The following SMAP1 variants were observed in gnomAD, a reference collection of about 807,000 sequenced individuals.
SMAP1 encodes stromal membrane-associated protein 1.
Under a neutral mutation model 58.5 loss-of-function variants are expected in SMAP1, and 24 were observed. The ratio of observed to expected loss-of-function variants is 0.41; its 90% CI spans 0.30 to 0.58. SMAP1 has a LOEUF of 0.58. Among genes scored for constraint, SMAP1 ranks in the 20% least tolerant of loss-of-function variants. The pLI is 0.29. For synonymous variants in SMAP1, 216 were observed against 196.6 expected (o/e 1.10, Z -0.82); for missense variants, 563 against 566.3 (o/e 0.99, Z 0.06).
At chr6:70,831,454 T>C (rs905002491) in intron 6 of SMAP1, among the ~76,000 whole-genome samples, 1 of 152,128 alleles carries the variant, frequency 6.6e-6, no homozygotes, top group Non-Finnish European at 1.5e-5. Context: ...GTGTCTGTTG[T>C]TCCCTTCTTT....
intron 6 of SMAP1, among the ~76,000 whole-genome samples, chr6:70,807,190 A>G (rs183403258): frequency 4.1e-4 from 62 of 152,304 alleles, no homozygotes; most frequent in Non-Finnish European, 3.2e-4. Flanking sequence ...TGAGCAGTCT[A>G]CTACTTTTGT....
At chr6:70,817,138 A>ATT (rs34064328) in intron 6 of SMAP1, among the ~76,000 whole-genome samples, 99 of 140,528 alleles carry the variant, frequency 7.0e-4, no homozygotes, top group African/African-American at 1.9e-3. Flanking sequence ...ATATATATAT[A>ATT]TTTTTTTTTT....
At chr6:70,743,507 AG>A (rs993184941) in intron 2 of SMAP1, among the ~76,000 whole-genome samples, 1 of 152,202 alleles carries the variant, frequency 6.6e-6, no homozygotes, top group African/African-American at 2.4e-5. Context: ...TTAATCTCTT[AG>A]GGGTTTGGCC....
intron 5 of SMAP1, among the ~76,000 whole-genome samples, chr6:70,795,662 A>G (rs1411241310): frequency 1.3e-5 from 2 of 152,214 alleles, no homozygotes; most frequent in Non-Finnish European, 2.9e-5. Flanking sequence ...TGGGGTGGAC[A>G]CAAACATTCA....
intron 3 of SMAP1, among the ~76,000 whole-genome samples, chr6:70,772,068 G>C (rs943259077): frequency 6.6e-6 from 1 of 152,160 alleles, no homozygotes; most frequent in African/African-American, 2.4e-5. Flanking sequence ...GGGCCATTTA[G>C]ACATGTGAAA....
chr6:70,840,652 A>G (rs1770767193), intron 7 of SMAP1, among the ~76,000 whole-genome samples: 1 of 152,196 alleles, frequency 6.6e-6, no homozygotes. Context: ...TATGTTCCCA[A>G]TAGTACCTAC....
intron 6 of SMAP1, among the ~76,000 whole-genome samples, chr6:70,823,582 A>G (rs904499917): frequency 1.3e-5 from 2 of 152,166 alleles, no homozygotes; most frequent in Non-Finnish European, 2.9e-5. Flanking sequence ...CCCTGCAGAT[A>G]CCATAATCCA....
At chr6:70,685,822 C>T (rs1162999313) in intron 1 of SMAP1, among the ~76,000 whole-genome samples, 1 of 152,138 alleles carries the variant, frequency 6.6e-6, no homozygotes, top group Non-Finnish European at 1.5e-5. Context: ...GAAGTAGAAT[C>T]GTCCCATTCT....
intron 2 of SMAP1, among the ~76,000 whole-genome samples, chr6:70,735,296 C>CATG (rs1562123300): frequency 1.8e-4 from 27 of 152,188 alleles, no homozygotes; most frequent in African/African-American, 6.3e-4. Context: ...CAGTCAAGTC[C>CATG]CCCAGGGGCA....
intron 1 of SMAP1, among the ~76,000 whole-genome samples, chr6:70,725,196 A>G (rs1370237737): frequency 1.5e-5 from 2 of 131,828 alleles, no homozygotes; most frequent in African/African-American, 5.7e-5. Flanking sequence ...GGCTCACTGC[A>G]AGCTCTGCCT....
At chr6:70,818,960 G>A (rs555885403) in intron 6 of SMAP1, among the ~76,000 whole-genome samples, 1 of 151,974 alleles carries the variant, frequency 6.6e-6, no homozygotes, top group Non-Finnish European at 1.5e-5. Flanking sequence ...AGCCATCACC[G>A]CTGTCAGTTT....
At position 70,763,106 on chromosome 6, in the gene SMAP1, C is replaced by CTTTTTTTTTT. The variant is rs35936929; in HGVS notation, c.338+8056_338+8065dup. ...CTTTATTTGCACTGTACAGATATTA[C>CTTTTTTTTTT]TTTTTTTTTTTTTTTTTTTTTTTTA... On this transcript the variant is annotated intron_variant, in intron 3 of 10. Coordinates refer to ENST00000370455, the MANE Select transcript of SMAP1 (RefSeq NM_001044305.3). Among the ~76,000 whole-genome samples the CTTTTTTTTTT allele has an allele frequency of 4.4e-4, 37 of 84,470 alleles. 1 individual carries two copies. Among genetic ancestry groups the CTTTTTTTTTT allele is most frequent in the African/African-American group, 1.2e-3 (25 of 20,540 alleles). The allele number at this position is 84,470 out of a possible 152,430, so 55.4% of individuals were successfully genotyped here. A position where few individuals can be genotyped will look rare whatever the true frequency, so the allele number is the denominator to read the frequency against.
intron 1 of SMAP1, among the ~76,000 whole-genome samples, chr6:70,687,710 T>C (rs1766991014): frequency 6.6e-6 from 1 of 152,220 alleles, no homozygotes. Context: ...CTCCTAATGG[T>C]AACATCTTGT....
intron 4 of SMAP1, among the ~76,000 whole-genome samples, chr6:70,784,913 G>C (rs1262090433): frequency 6.6e-6 from 1 of 152,064 alleles, no homozygotes; most frequent in Non-Finnish European, 1.5e-5. Flanking sequence ...AAGTTAACAA[G>C]GATACCCAGG....
In SMAP1 at chr6:70,714,507, T is replaced by C. The variant is rs75981951; in HGVS notation, c.119-17871T>C. ...TTACCTTTCTTACCCTCAAATTATA[T>C]GTTATTGAGTTACAATTTAGATCTA... On this transcript the variant is annotated intron_variant, in intron 1 of 10. Transcript: ENST00000370455. Among the ~76,000 whole-genome samples, 90 of 152,276 alleles carry C rather than the reference T, an allele frequency of 5.9e-4. No individual in the cohort carries two copies. The East Asian group carries it at 0.016, about 27-fold the overall frequency.
At chr6:70,688,325 G>A (rs973828393) in intron 1 of SMAP1, among the ~76,000 whole-genome samples, 3 of 152,066 alleles carry the variant, frequency 2.0e-5, no homozygotes, top group African/African-American at 7.2e-5. Flanking sequence ...GCCCAGTAGT[G>A]CAGTTTGCTG....
chr6:70,791,757 A>C lies in SMAP1; in HGVS notation c.483A>C (p.Lys161Asn). ...CTTCTCTGCAAGCTGCTGTTGACAA[A>C]AATAAATTGGAGGTATGGTCATGTT... ...SSPSLQAAVD[K>N]NKLEKEKEKK... Residue 161 changes from lysine to asparagine, a missense_variant, in exon 5 of 11, where the codon AAA becomes AAC. Lys to Asn is a moderately conservative substitution (Grantham distance 94). Around this residue, in one of 3 missense-constraint regions of SMAP1, gnomAD observed 494 missense variants for 473.8 expected, o/e 1.04. Coordinates refer to ENST00000370455, the MANE Select transcript of SMAP1 (RefSeq NM_001044305.3). The C allele has an allele frequency of 6.2e-7, 1 of 1,613,222 alleles. No homozygotes were observed. Among genetic ancestry groups the C allele is most frequent in the Non-Finnish European group, 8.5e-7 (1 of 1,179,534 alleles).
intron 1 of SMAP1, among the ~76,000 whole-genome samples, chr6:70,687,786 C>T (rs929423433): frequency 6.6e-6 from 1 of 152,164 alleles, no homozygotes; most frequent in Non-Finnish European, 1.5e-5. Flanking sequence ...CTTACTGTGA[C>T]TTCTGCAGTT....
rs1005636488 is a variant in SMAP1 at position 70,860,471 on chromosome 6, G to C, written c.*137G>C. On this transcript the variant is annotated 3_prime_UTR_variant, in exon 11 of 11. Coordinates refer to ENST00000370455, the MANE Select transcript of SMAP1 (RefSeq NM_001044305.3). ...CATATTAAGAATGATCTGATTGACC[G>C]TGTTGGTCTGTACTGATTCAATTTG... is the stretch of plus-strand genomic sequence containing the variant. 3 of 1,045,792 alleles carry C rather than the reference G, an allele frequency of 2.9e-6. No homozygotes were observed. The highest frequency in any genetic ancestry group is 4.0e-6 in the Non-Finnish European group (3 of 742,620). 64.8% of individuals were successfully genotyped at this position (1,045,792 alleles called of 1,614,324 possible).
Sources: allele counts gnomAD v4.1 joint callset (sites outside exome capture counted in the v4.1 genomes callset), GRCh38; gene constraint gnomAD v4.1.1; regional missense constraint gnomAD v4.1.1; transcripts MANE v1.5; gene names NCBI Gene and HGNC (gene_info 2026-07-23, HGNC 2026-07-21).